THRB: variants seen among roughly 807,000 people sequenced by gnomAD.
The protein encoded by THRB is thyroid hormone receptor beta.
THRB carries 12 observed loss-of-function variants against 47.8 expected under a neutral mutation model. That is an observed-to-expected ratio of 0.25 (90% CI 0.16 to 0.41). The LOEUF is 0.41. THRB is among the 10% of genes least tolerant of loss of function. The pLI, the probability that THRB is intolerant of heterozygous loss-of-function variation, is 1.00. For missense variants in THRB, 348 were observed against 589.2 expected (o/e 0.59, Z 4.24); for synonymous variants, 218 against 212.2 (o/e 1.03, Z -0.24).
chr3:24,181,954 C>A (rs981657577), intron 5 of THRB, among the ~76,000 whole-genome samples: 5 of 152,158 alleles, frequency 3.3e-5, no homozygotes, highest in Non-Finnish European at 7.3e-5. Context: ...GTAATCCCAG[C>A]ACTTTGGGAG....
chr3:24,211,687 A>G (rs2046040347), intron 4 of THRB, among the ~76,000 whole-genome samples: 1 of 152,188 alleles, frequency 6.6e-6, no homozygotes, highest in Non-Finnish European at 1.5e-5. Context: ...TCTTTTTGCC[A>G]GCTTATGATG....
At chr3:24,452,964 GAC>G (rs1217603764) in intron 1 of THRB, among the ~76,000 whole-genome samples, 2 of 11,292 alleles carry the variant, frequency 1.8e-4, no homozygotes, top group African/African-American at 2.2e-4. Flanking sequence ...CTTGAAGCCC[GAC>G]ATCTCTCCAC....
At chr3:24,218,929 A>G (rs2046888464) in intron 4 of THRB, among the ~76,000 whole-genome samples, 1 of 152,190 alleles carries the variant, frequency 6.6e-6, no homozygotes, top group Non-Finnish European at 1.5e-5. Flanking sequence ...TCCCATAACC[A>G]AAAGTACCAC....
Position 24,253,859 on chromosome 3 carries a change from G to A in THRB, c.-42-24858C>T, listed in dbSNP as rs182608851. On this transcript the variant is annotated intron_variant, in intron 3 of 10. Coordinates refer to ENST00000646209, the MANE Select transcript of THRB (RefSeq NM_001354712.2). The stretch of plus-strand genomic sequence containing the variant: ...AAAACAAACACAGCAGAACTTGTAA[G>A]CCCTGTCATCTTATGAAGCTATGCA... Among the ~76,000 whole-genome samples, 443 of 151,896 alleles carry A rather than the reference G, an allele frequency of 2.9e-3. 3 individuals are homozygous for A. Among genetic ancestry groups the A allele is most frequent in the Middle Eastern group, 0.027 (8 of 294 alleles).
intron 3 of THRB, among the ~76,000 whole-genome samples, chr3:24,238,293 T>TG (rs1559699245): frequency 7.3e-5 from 2 of 27,430 alleles, no homozygotes; most frequent in African/African-American, 1.3e-4. Context: ...GGGGGGGGGG[T>TG]GTGTGGGGTG....
chr3:24,285,237 GA>G (rs1443750916), intron 3 of THRB, among the ~76,000 whole-genome samples: 4 of 151,736 alleles, frequency 2.6e-5, no homozygotes, highest in African/African-American at 9.7e-5. Flanking sequence ...ATACACCATG[GA>G]ATACTATGCA....
In THRB at chr3:24,297,330, G is replaced by C. The variant is rs2151039167; in HGVS notation, c.-147C>G. On this transcript the variant is annotated 5_prime_UTR_variant, in exon 3 of 11. Transcript: ENST00000646209. ...TCTTCCTACAGTGAAGTCACTGGGG[G>C]CAGATGAAATATAAAATGCTGGAGT... 6.6e-6 allele frequency: 1 copy of C among 152,312 alleles called. No homozygotes were observed. Among genetic ancestry groups the C allele is most frequent in the East Asian group, 1.9e-4 (1 of 5,178 alleles). The allele number at this position is 152,312 out of a possible 1,614,324, so 9.4% of individuals were successfully genotyped here.
At chr3:24,301,610 A>C (rs2056949289) in intron 2 of THRB, among the ~76,000 whole-genome samples, 1 of 152,202 alleles carries the variant, frequency 6.6e-6, no homozygotes, top group African/African-American at 2.4e-5. Flanking sequence ...TGTATTGATT[A>C]TAAACATTTC....
In THRB at chr3:24,252,176, TA is replaced by T. The variant is rs1453744568; in HGVS notation, c.-42-23176del. ...AATGTTATCCTGTAAGAATATTAAA[TA>T]TACGAAACACTTTGAACAAAAAGTA... is the stretch of plus-strand genomic sequence containing the variant. On this transcript the variant is annotated intron_variant, in intron 3 of 10. Coordinates refer to ENST00000646209, the MANE Select transcript of THRB (RefSeq NM_001354712.2). 3.9e-5 allele frequency among the ~76,000 whole-genome samples: 6 copies of T among 152,170 alleles called. No homozygotes were observed. In the East Asian group the frequency reaches 1.2e-3, roughly 29 times the overall value.
chr3:24,348,871 A>G (rs894515377), intron 1 of THRB: 10 of 152,156 alleles, frequency 6.6e-5, no homozygotes, highest in African/African-American at 2.4e-4. Flanking sequence ...TATACTAGAA[A>G]TTGCAGGCTT....
At chr3:24,231,004 G>T (rs938123551) in intron 3 of THRB, among the ~76,000 whole-genome samples, 4 of 152,232 alleles carry the variant, frequency 2.6e-5, no homozygotes, top group African/African-American at 9.6e-5. Context: ...AGCCTGAAGT[G>T]GAAGGAGAAA....
chr3:24,406,362 G>A lies in THRB; in HGVS notation c.-260-68991C>T, dbSNP rs138440722. Among the ~76,000 whole-genome samples the A allele has an allele frequency of 3.3e-5, 5 of 151,734 alleles. No homozygotes were observed. In the South Asian group the frequency reaches 8.3e-4, roughly 25 times the overall value. On this transcript the variant is annotated intron_variant, in intron 1 of 10. Coordinates refer to ENST00000646209, the MANE Select transcript of THRB (RefSeq NM_001354712.2). The stretch of plus-strand genomic sequence containing the variant: ...TTTATCAGCAATTATATTAAATCAA[G>A]TACTTTGGTCACCTATAAAAATGAT...
chr3:24,249,706 T>C (rs9867989), intron 3 of THRB, among the ~76,000 whole-genome samples: 37,631 of 152,068 alleles, frequency 0.25, 7,250 homozygotes, highest in African/African-American at 0.53. Flanking sequence ...AGTGAGTCTA[T>C]GAAAAATTTT....
chr3:24,316,914 C>T (rs367639036), intron 2 of THRB, among the ~76,000 whole-genome samples: 7 of 152,254 alleles, frequency 4.6e-5, no homozygotes, highest in Non-Finnish European at 7.4e-5. Flanking sequence ...AGGCTGAGCC[C>T]GTATTTCAGG....
chr3:24,490,303 A>C (rs1288540501), intron 1 of THRB, among the ~76,000 whole-genome samples: 1 of 152,238 alleles, frequency 6.6e-6, no homozygotes, highest in Non-Finnish European at 1.5e-5. Context: ...TTGACACTAG[A>C]ACAAGCCCTT....
At chr3:24,408,691 T>A (rs1236198696) in intron 1 of THRB, among the ~76,000 whole-genome samples, 9 of 151,852 alleles carry the variant, frequency 5.9e-5, no homozygotes, top group Non-Finnish European at 5.9e-5. Flanking sequence ...AGGTGTGTAT[T>A]TGTAAACATC....
At chr3:24,158,111 T>G (rs1464839090) in intron 5 of THRB, among the ~76,000 whole-genome samples, 1 of 152,176 alleles carries the variant, frequency 6.6e-6, no homozygotes, top group African/African-American at 2.4e-5. Flanking sequence ...TCGTAGCAAA[T>G]TTTTAAAACT....
intron 1 of THRB, among the ~76,000 whole-genome samples, chr3:24,394,655 GA>G (rs1435680381): frequency 6.6e-6 from 1 of 152,088 alleles, no homozygotes; most frequent in East Asian, 1.9e-4. Context: ...GGCAGGAGCA[GA>G]AAGCAATGAA....
At chr3:24,398,596 G>A (rs1434712229) in intron 1 of THRB, among the ~76,000 whole-genome samples, 9 of 152,172 alleles carry the variant, frequency 5.9e-5, no homozygotes, top group Admixed American at 3.9e-4. Context: ...TGGAGAGGAT[G>A]TGGAGAAAAA....
Sources: gnomAD v4.1 joint callset for allele counts (sites outside exome capture counted in the v4.1 genomes callset) on GRCh38, gnomAD v4.1.1 for gene constraint, MANE v1.5 for transcripts, NCBI Gene and HGNC (gene_info 2026-07-23, HGNC 2026-07-21) for gene names.